Variants in EYS observed in about 807,000 individuals in gnomAD.
EYS encodes the protein EGF-like photoreceptor maintenance factor.
A neutral mutation model predicts 282.1 loss-of-function variants in EYS; 250 were observed. That is an observed-to-expected ratio of 0.89 (90% confidence interval 0.80 to 0.98). The LOEUF is 0.98. EYS is among the 50% of genes least tolerant of loss of function. The probability of loss-of-function intolerance (pLI) is 0.00; values close to 1 mark genes in which losing one functional copy is unlikely to be tolerated. For synonymous variants in EYS, 1,355 were observed against 1,282.9 expected (o/e 1.06, Z -1.20); for missense variants, 4,016 against 3,709.0 (o/e 1.08, Z -2.15).
chr6:65,238,799 C>T (rs773688940), intron 12 of EYS, among the ~76,000 whole-genome samples: 7 of 151,760 alleles, frequency 4.6e-5, no homozygotes, highest in Non-Finnish European at 7.4e-5. Flanking sequence ...TGTCCTGTTC[C>T]ACAAAATTTC....
intron 5 of EYS, among the ~76,000 whole-genome samples, chr6:65,443,047 C>T (rs963466339): frequency 3.4e-5 from 5 of 147,542 alleles, no homozygotes; most frequent in African/African-American, 7.3e-5. Context: ...CACAGACATA[C>T]GGGAGCATGC....
At chr6:64,277,065 C>T (rs202093505) in intron 30 of EYS, among the ~76,000 whole-genome samples, 2,375 of 152,156 alleles carry the variant, frequency 0.016, 19 homozygotes, top group South Asian at 0.034. Context: ...ATGACCATGG[C>T]TGTCACCTAT....
intron 31 of EYS, among the ~76,000 whole-genome samples, chr6:64,202,527 T>C (rs1765490093): frequency 1.3e-5 from 2 of 152,192 alleles, no homozygotes; most frequent in Non-Finnish European, 2.9e-5. Context: ...CATTCAAGTG[T>C]GAAATTGGAT....
At chr6:64,489,446 C>A (rs576366693) in intron 26 of EYS, among the ~76,000 whole-genome samples, 1 of 149,050 alleles carries the variant, frequency 6.7e-6, no homozygotes, top group African/African-American at 2.4e-5. Flanking sequence ...TAAATAAATC[C>A]ATTTACTAGT....
At chr6:64,348,578 C>T (rs929590602) in intron 29 of EYS, among the ~76,000 whole-genome samples, 5 of 151,460 alleles carry the variant, frequency 3.3e-5, no homozygotes, top group Non-Finnish European at 7.4e-5. Flanking sequence ...AAATCCACAA[C>T]TCTAACTGAG....
chr6:63,985,596 G>A (rs889524355), intron 34 of EYS, among the ~76,000 whole-genome samples: 1 of 151,814 alleles, frequency 6.6e-6, no homozygotes, highest in Middle Eastern at 3.4e-3. Context: ...TGCATGAGAA[G>A]TAGAATTTTG....
intron 22 of EYS, among the ~76,000 whole-genome samples, chr6:64,793,466 G>A (rs888495472): frequency 5.9e-5 from 9 of 152,052 alleles, no homozygotes; most frequent in South Asian, 4.1e-4. Flanking sequence ...ATTGAGTTCC[G>A]TTAGCAGATG....
At chr6:64,940,877 AC>A (rs1220213596) in intron 15 of EYS, among the ~76,000 whole-genome samples, 1 of 152,108 alleles carries the variant, frequency 6.6e-6, no homozygotes. Context: ...AGAATTCTCA[AC>A]CTTAATCACA....
At chr6:64,928,721 TA>T (rs869162831) in intron 15 of EYS, among the ~76,000 whole-genome samples, 9 of 149,096 alleles carry the variant, frequency 6.0e-5, no homozygotes, top group Admixed American at 1.3e-4. Flanking sequence ...CATTTTTTTT[TA>T]ATTTTAGTTT....
At chr6:63,930,009 TCC>T (rs1460856498) in intron 35 of EYS, among the ~76,000 whole-genome samples, 7 of 152,194 alleles carry the variant, frequency 4.6e-5, no homozygotes, top group African/African-American at 1.7e-4. Context: ...TCTCTTGACT[TCC>T]TACCGTGTGA....
intron 26 of EYS, among the ~76,000 whole-genome samples, chr6:64,569,697 T>C (rs1164889332): frequency 6.6e-6 from 1 of 151,778 alleles, no homozygotes; most frequent in Non-Finnish European, 1.5e-5. Flanking sequence ...GCAGAGATCC[T>C]GCCACTGAAC....
intron 30 of EYS, among the ~76,000 whole-genome samples, chr6:64,283,868 C>T (rs986651496): frequency 8.5e-5 from 13 of 152,204 alleles, no homozygotes; most frequent in African/African-American, 3.1e-4. Context: ...TCTCATGAGA[C>T]TTATTCACTA....
intron 2 of EYS, among the ~76,000 whole-genome samples, chr6:65,552,276 T>A (rs1768623873): frequency 6.6e-6 from 1 of 152,218 alleles, no homozygotes; most frequent in Admixed American, 6.5e-5. Flanking sequence ...AGATTGCTTT[T>A]ACATTTATTT....
chr6:65,319,221 A>AAAC (rs1769402835), intron 11 of EYS, among the ~76,000 whole-genome samples: 1 of 147,602 alleles, frequency 6.8e-6, no homozygotes, highest in African/African-American at 2.5e-5. Context: ...AAAAAAAAAA[A>AAAC]AAAAAACAAT....
chr6:65,440,299 G>C (rs934248849), intron 5 of EYS, among the ~76,000 whole-genome samples: 4 of 151,352 alleles, frequency 2.6e-5, no homozygotes, highest in Non-Finnish European at 5.9e-5. Context: ...AGAAACATTT[G>C]ATAGATTCAA....
chr6:65,563,625 A>G (rs940250551), intron 2 of EYS, among the ~76,000 whole-genome samples: 1 of 152,068 alleles, frequency 6.6e-6, no homozygotes, highest in Non-Finnish European at 1.5e-5. Flanking sequence ...CCATTATGAC[A>G]TTGTACACAG....
intron 22 of EYS, among the ~76,000 whole-genome samples, chr6:64,769,934 T>C (rs1300913949): frequency 6.6e-6 from 1 of 152,004 alleles, no homozygotes; most frequent in Non-Finnish European, 1.5e-5. Context: ...TTCAGATATG[T>C]ATATATATAC....
intron 2 of EYS, among the ~76,000 whole-genome samples, chr6:65,498,427 C>T (rs1766329060): frequency 1.3e-5 from 2 of 151,860 alleles, no homozygotes; most frequent in African/African-American, 4.8e-5. Context: ...AATTTATTTC[C>T]ACATGTAAAT....
At chr6:65,101,389 T>C (rs923011358) in intron 12 of EYS, among the ~76,000 whole-genome samples, 3 of 151,264 alleles carry the variant, frequency 2.0e-5, no homozygotes, top group Non-Finnish European at 4.4e-5. Context: ...AGAAAAAGTA[T>C]TTAAAAATAA....
Sources: allele counts gnomAD v4.1 joint callset (sites outside exome capture counted in the v4.1 genomes callset), GRCh38; gene constraint gnomAD v4.1.1; transcripts MANE v1.5; gene names NCBI Gene and HGNC (gene_info 2026-07-23, HGNC 2026-07-21).